SDCBP: variants seen among roughly 807,000 people sequenced by gnomAD.
SDCBP encodes syntenin-1.
In SDCBP, 22 loss-of-function variants were observed where a neutral mutation model predicts 30.5. That is an observed-to-expected ratio of 0.72 (90% CI 0.52 to 1.03). SDCBP has a LOEUF of 1.03. Among genes scored for constraint, SDCBP ranks in the 50% least tolerant of loss-of-function variants. SDCBP has a pLI of 0.00. For missense variants in SDCBP, 304 were observed against 369.9 expected (o/e 0.82, Z 1.46); for synonymous variants, 103 against 118.7 (o/e 0.87, Z 0.86).
At chr8:58,556,712 T>C (rs1402460376) in intron 1 of SDCBP, among the ~76,000 whole-genome samples, 1 of 151,654 alleles carries the variant, frequency 6.6e-6, no homozygotes, top group Non-Finnish European at 1.5e-5. Context: ...GTATTTAAGT[T>C]GAGGGCCTTC....
chr8:58,570,471 A>G (rs1585696621), intron 2 of SDCBP, among the ~76,000 whole-genome samples: 1 of 149,962 alleles, frequency 6.7e-6, no homozygotes, highest in Non-Finnish European at 1.5e-5. Context: ...TGTTTTTCTG[A>G]TATGTGACTT....
intron 2 of SDCBP, among the ~76,000 whole-genome samples, chr8:58,568,817 C>T (rs574579703): frequency 2.1e-4 from 32 of 152,286 alleles, no homozygotes; most frequent in South Asian, 1.9e-3. Context: ...GTTCACTGCT[C>T]GAAAAATTCT....
chr8:58,555,442 GATTA>G (rs1279513091), intron 1 of SDCBP, among the ~76,000 whole-genome samples: 2 of 152,140 alleles, frequency 1.3e-5, no homozygotes, highest in Non-Finnish European at 1.5e-5. Context: ...TATGGGTAAG[GATTA>G]ATTATTCTAT....
chr8:58,567,796 C>G (rs550794060), intron 2 of SDCBP, among the ~76,000 whole-genome samples: 144 of 152,278 alleles, frequency 9.5e-4, no homozygotes, highest in Non-Finnish European at 1.6e-3. Flanking sequence ...TACAGTAATA[C>G]TGCATGTTAC....
At chr8:58,568,009 T>C (rs977884382) in intron 2 of SDCBP, among the ~76,000 whole-genome samples, 1 of 152,204 alleles carries the variant, frequency 6.6e-6, no homozygotes, top group East Asian at 1.9e-4. Flanking sequence ...TAGGACATTA[T>C]TGTATACTGC....
At chr8:58,571,821 A>G (rs530931961) in intron 3 of SDCBP, among the ~76,000 whole-genome samples, 10 of 152,330 alleles carry the variant, frequency 6.6e-5, no homozygotes, top group African/African-American at 2.4e-4. Context: ...AGCTGACTTG[A>G]CAAATAGATA....
At chr8:58,554,692 C>G (rs1360910374) in intron 1 of SDCBP, among the ~76,000 whole-genome samples, 1 of 152,090 alleles carries the variant, frequency 6.6e-6, no homozygotes, top group Non-Finnish European at 1.5e-5. Context: ...TTAAAATGAG[C>G]GTGACAACTA....
chr8:58,579,443 TA>T (rs1243018257), intron 6 of SDCBP, among the ~76,000 whole-genome samples, 179 bp from the exon 7 acceptor site: 1 of 151,898 alleles, frequency 6.6e-6, no homozygotes, highest in Admixed American at 6.6e-5. Flanking sequence ...TGAATAAACT[TA>T]AAAAAAACTT....
chr8:58,556,111 C>A (rs566777104), intron 1 of SDCBP, among the ~76,000 whole-genome samples: 28 of 152,248 alleles, frequency 1.8e-4, no homozygotes, highest in African/African-American at 6.7e-4. Context: ...AATGATTCTG[C>A]CGTCCTAAAT....
intron 4 of SDCBP, among the ~76,000 whole-genome samples, chr8:58,573,603 CT>C (rs1805159016): frequency 6.6e-6 from 1 of 152,198 alleles, no homozygotes; most frequent in Non-Finnish European, 1.5e-5. Context: ...GAGGCTGGTT[CT>C]GGGAGTGTCA....
chr8:58,569,955 A>G (rs750963574), intron 2 of SDCBP, among the ~76,000 whole-genome samples: 1 of 152,174 alleles, frequency 6.6e-6, no homozygotes, highest in Admixed American at 6.6e-5. Context: ...AAGCTTTCAT[A>G]TCTCCAAGCA....
At chr8:58,553,693 G>C (rs1018601788) in intron 1 of SDCBP, among the ~76,000 whole-genome samples, 1 of 152,246 alleles carries the variant, frequency 6.6e-6, no homozygotes, top group African/African-American at 2.4e-5. Flanking sequence ...TCCTCGATAA[G>C]ATCTCGACAT....
chr8:58,572,962 A>T (rs1225420583), intron 4 of SDCBP, among the ~76,000 whole-genome samples: 1 of 151,230 alleles, frequency 6.6e-6, no homozygotes, highest in Non-Finnish European at 1.5e-5. Flanking sequence ...GCGCGCCACC[A>T]TGCCTGGCTA....
intron 1 of SDCBP, among the ~76,000 whole-genome samples, chr8:58,562,193 A>G (rs1192598931): frequency 6.6e-6 from 1 of 152,082 alleles, no homozygotes; most frequent in African/African-American, 2.4e-5. Flanking sequence ...TATCAGTAAT[A>G]ACTTTAAATG....
chr8:58,565,886 C>T (rs76284958), intron 2 of SDCBP, among the ~76,000 whole-genome samples: 2,585 of 152,124 alleles, frequency 0.017, 34 homozygotes, highest in African/African-American at 0.036. Flanking sequence ...ACAAGATAAA[C>T]GAAAACTCCT....
At chr8:58,556,293 G>A (rs151109998) in intron 1 of SDCBP, among the ~76,000 whole-genome samples, 128 of 152,230 alleles carry the variant, frequency 8.4e-4, no homozygotes, top group African/African-American at 2.8e-3. Context: ...ATTCACAATA[G>A]GGTTCCTGCT....
chr8:58,574,938 C>A (rs938668647), intron 4 of SDCBP, among the ~76,000 whole-genome samples: 2 of 152,170 alleles, frequency 1.3e-5, no homozygotes, highest in Non-Finnish European at 2.9e-5. Flanking sequence ...ATTATAGTTA[C>A]TATGCTGTAC....
At chr8:58,557,153 TA>T (rs1189989981) in intron 1 of SDCBP, among the ~76,000 whole-genome samples, 2 of 123,054 alleles carry the variant, frequency 1.6e-5, no homozygotes, top group Admixed American at 1.8e-4. Flanking sequence ...AATATTATAA[TA>T]TATAATTATA....
At chr8:58,577,489 CAAAT>C (rs748780105) in intron 5 of SDCBP, among the ~76,000 whole-genome samples, 15 of 152,230 alleles carry the variant, frequency 9.9e-5, no homozygotes, top group South Asian at 4.1e-4. Context: ...TTTAGTCTAA[CAAAT>C]AAACTTTAAT....
Sources: gnomAD v4.1 joint callset for allele counts (sites outside exome capture counted in the v4.1 genomes callset) on GRCh38, gnomAD v4.1.1 for gene constraint, MANE v1.5 for transcripts, NCBI Gene and HGNC (gene_info 2026-07-23, HGNC 2026-07-21) for gene names.